The following IL17RD variants were observed in gnomAD, a reference collection of about 807,000 sequenced individuals.
IL17RD encodes the protein interleukin-17 receptor D.
A neutral mutation model predicts 80.5 loss-of-function variants in IL17RD; 52 were observed. The observed-to-expected ratio is 0.65, with a 90% confidence interval of 0.52 to 0.81. The LOEUF is 0.81. Among genes scored for constraint, IL17RD ranks in the 40% least tolerant of loss-of-function variants. IL17RD has a pLI of 0.00. For missense variants in IL17RD, 1,024 were observed against 955.1 expected (o/e 1.07, Z -0.95); for synonymous variants, 416 against 391.8 (o/e 1.06, Z -0.73).
At chr3:57,156,544 G>T (rs1029791641) in intron 1 of IL17RD, among the ~76,000 whole-genome samples, 2 of 152,084 alleles carry the variant, frequency 1.3e-5, no homozygotes, top group Non-Finnish European at 2.9e-5. Context: ...CTCCAGCCTG[G>T]GTGACAGAGA....
chr3:57,101,217 A>T lies in IL17RD; in HGVS notation c.1126T>A (p.Cys376Ser). ...DGQNHMNVVQCFAYFLQDFCG... is the reference protein window; with the variant it reads ...DGQNHMNVVQSFAYFLQDFCG... ...AAGTCCTGGAGGAAGTAGGCGAAAC[A>T]CTGGACGACATTCATGTGATTCTGG... Residue 376 changes from cysteine (C) to serine (S), a missense_variant, in exon 11 of 13, where the codon TGT becomes AGT. By Grantham distance (112) the Cys-to-Ser change is moderately radical. Transcript: ENST00000296318. 1 of 1,613,734 alleles carries T rather than the reference A, an allele frequency of 6.2e-7. No individual in the cohort carries two copies.
intron 5 of IL17RD, among the ~76,000 whole-genome samples, chr3:57,108,409 A>G (rs1707013096): frequency 6.6e-6 from 1 of 150,900 alleles, no homozygotes; most frequent in African/African-American, 2.4e-5. Flanking sequence ...GCTGGCCTCA[A>G]ACTCCTAGGC....
chr3:57,152,210 C>T (rs1406673206), intron 1 of IL17RD, among the ~76,000 whole-genome samples: 1 of 152,202 alleles, frequency 6.6e-6, no homozygotes, highest in Non-Finnish European at 1.5e-5. Context: ...AAAGCATACC[C>T]TCACCCGACC....
At chr3:57,114,500 G>C (rs1016421791) in intron 3 of IL17RD, among the ~76,000 whole-genome samples, 192 bp downstream of exon 3, 1 of 152,176 alleles carries the variant, frequency 6.6e-6, no homozygotes, top group Non-Finnish European at 1.5e-5. Flanking sequence ...AGAAACAAAA[G>C]ACCATAGGGC....
chr3:57,163,332 G>A (rs2060318745), intron 1 of IL17RD, among the ~76,000 whole-genome samples: 1 of 152,168 alleles, frequency 6.6e-6, no homozygotes, highest in Non-Finnish European at 1.5e-5. Context: ...ATAAGTGTGA[G>A]GTGACTGGGA....
At chr3:57,152,847 C>G (rs1192556321) in intron 1 of IL17RD, among the ~76,000 whole-genome samples, 1 of 152,088 alleles carries the variant, frequency 6.6e-6, no homozygotes, top group Admixed American at 6.6e-5. Context: ...AGTAAAGTAG[C>G]CTTTACTGGA....
At chr3:57,100,146 T>C (rs1442894641) in intron 11 of IL17RD, among the ~76,000 whole-genome samples, 2 of 152,186 alleles carry the variant, frequency 1.3e-5, no homozygotes. Flanking sequence ...ACTTGTGAAG[T>C]AGAGCAAACT....
At position 57,093,605 on chromosome 3, in the gene IL17RD, ACC is replaced by A. The variant is rs1706605844; in HGVS notation, c.*2786_*2787del. 1 of 152,202 alleles carries A rather than the reference ACC, an allele frequency of 6.6e-6. No individual in the cohort carries two copies. The highest frequency in any genetic ancestry group is 2.1e-4 in the South Asian group (1 of 4,822). The allele number at this position is 152,202 out of a possible 1,614,324, so 9.4% of individuals were successfully genotyped here. ...TATCTGGCTGGGTCACCATCTGAAT[ACC>A]TGGGCCTGGACTGGAATGACTTCTG... is the stretch of plus-strand genomic sequence containing the variant. On this transcript the variant is annotated 3_prime_UTR_variant, in exon 13 of 13. Transcript: ENST00000296318.
chr3:57,154,260 TTATATATA>T (rs751847693), intron 1 of IL17RD, among the ~76,000 whole-genome samples: 2 of 128,602 alleles, frequency 1.6e-5, no homozygotes, highest in Non-Finnish European at 3.3e-5. Context: ...AAAAAAAAAA[TTATATATA>T]TATATATATA....
intron 1 of IL17RD, among the ~76,000 whole-genome samples, chr3:57,158,950 T>A (rs1430602867): frequency 1.3e-5 from 2 of 152,196 alleles, no homozygotes; most frequent in South Asian, 4.1e-4. Flanking sequence ...ACAGGTAGAA[T>A]CTGCAAATAG....
At chr3:57,119,881 A>G (rs1269528980) in intron 2 of IL17RD, among the ~76,000 whole-genome samples, 1 of 152,250 alleles carries the variant, frequency 6.6e-6, no homozygotes, top group Non-Finnish European at 1.5e-5. Context: ...CTCAGACTAG[A>G]CATGAGCTAT....
chr3:57,143,522 C>A lies in IL17RD; in HGVS notation c.126+21639G>T, dbSNP rs117557597. Among the ~76,000 whole-genome samples the A allele has an allele frequency of 1.3e-3, 193 of 152,344 alleles. 5 individuals carry two copies. The East Asian group carries it at 0.023, about 18-fold the overall frequency. ...CCTCAGTCCCTGAAGGCTGCCAGTA[C>A]CCCTATCAGAAGTAGGCAGGAGGCT... On this transcript the variant is annotated intron_variant, in intron 1 of 12. Transcript: ENST00000296318.
rs145469136 is a variant in IL17RD, at chr3:57,109,895, C to T, written c.430-238G>A. On this transcript the variant is annotated intron_variant, in intron 4 of 12. Coordinates refer to ENST00000296318, the MANE Select transcript of IL17RD (RefSeq NM_017563.5). ...GCAAAGAACCCATGGCTTGTTAATA[C>T]TGAACCTCAGAGTTGGGGCGCAGGG... Among the ~76,000 whole-genome samples, 217 of 152,338 alleles carry T rather than the reference C, an allele frequency of 1.4e-3. 1 individual carries two copies. The highest frequency in any genetic ancestry group is 9.6e-3 in the East Asian group (50 of 5,184).
intron 5 of IL17RD, among the ~76,000 whole-genome samples, chr3:57,108,241 G>A (rs1025067070): frequency 6.6e-6 from 1 of 151,790 alleles, no homozygotes; most frequent in African/African-American, 2.4e-5. Flanking sequence ...TGTATTTTTA[G>A]TAGAGACAGG....
rs147518201 is a variant in IL17RD at position 57,113,660 on chromosome 3, G to A, written c.310+1032C>T. 1.2e-4 allele frequency among the ~76,000 whole-genome samples: 19 copies of A among 152,210 alleles called. No individual in the cohort carries two copies. The East Asian group carries it at 1.5e-3, about 12-fold the overall frequency. On this transcript the variant is annotated intron_variant, in intron 3 of 12. Transcript: ENST00000296318. ...CTCAACTGATCCTCCTGCCTCGGCC[G>A]TCCAAGTAGCTAAGACTACAGACTT... is the stretch of plus-strand genomic sequence containing the variant.
At position 57,104,393 on chromosome 3, in the gene IL17RD, C is replaced by T; in HGVS notation, c.762G>A (p.Glu254=). ...CATTTTGAAGGAGGCAGCTGGTCGT[C>T]TCTGTAGTTTGCTCCTGCAACAGAC... is the stretch of plus-strand genomic sequence containing the variant. ...RKTCKQEQTT[E]TTSCLLQNVS... is the part of the protein sequence containing the mutation. The change falls in exon 8 of 13, where the codon GAG becomes GAA. Residue 254 remains glutamate, a synonymous_variant. Transcript: ENST00000296318. The T allele has an allele frequency of 6.2e-7, 1 of 1,607,934 alleles. No individual in the cohort carries two copies. Among genetic ancestry groups the T allele is most frequent in the Non-Finnish European group, 8.5e-7 (1 of 1,175,550 alleles).
intron 3 of IL17RD, among the ~76,000 whole-genome samples, chr3:57,111,408 T>C (rs891543777): frequency 6.6e-5 from 10 of 152,182 alleles, no homozygotes; most frequent in African/African-American, 2.4e-4. Context: ...GACTCTGCCA[T>C]GCTGTATTTC....
At position 57,094,346 on chromosome 3, in the gene IL17RD, C is replaced by T. The variant is rs1706622768; in HGVS notation, c.*2047G>A. 1 of 152,184 alleles carries T rather than the reference C, an allele frequency of 6.6e-6. No individual in the cohort carries two copies. Among genetic ancestry groups the T allele is most frequent in the African/African-American group, 2.4e-5 (1 of 41,446 alleles). The allele number at this position is 152,184 out of a possible 1,614,324, so 9.4% of individuals were successfully genotyped here. ...TTGATCAGAAACATTAGTATTTCAACATAAGTATCAAAACCCTAAATCCAA... is the reference window on the plus strand; with the variant it reads ...TTGATCAGAAACATTAGTATTTCAATATAAGTATCAAAACCCTAAATCCAA... On this transcript the variant is annotated 3_prime_UTR_variant, in exon 13 of 13. Coordinates refer to ENST00000296318, the MANE Select transcript of IL17RD (RefSeq NM_017563.5).
intron 1 of IL17RD, among the ~76,000 whole-genome samples, chr3:57,152,888 GA>G (rs1169559734): frequency 6.6e-6 from 1 of 152,164 alleles, no homozygotes; most frequent in South Asian, 2.1e-4. Context: ...TAGCACAAAG[GA>G]AAGAAATGGC....
Sources: gnomAD v4.1 joint callset for allele counts (sites outside exome capture counted in the v4.1 genomes callset) on GRCh38, gnomAD v4.1.1 for gene constraint, MANE v1.5 for transcripts, NCBI Gene and HGNC (gene_info 2026-07-23, HGNC 2026-07-21) for gene names.